ERBB4: variants seen among roughly 807,000 people sequenced by gnomAD.
ERBB4 encodes erb-b2 receptor tyrosine kinase 4.
In ERBB4, 42 loss-of-function variants were observed where a neutral mutation model predicts 158.0. The ratio of observed to expected loss-of-function variants is 0.27; its 90% CI spans 0.21 to 0.34. ERBB4 has a LOEUF of 0.34. Among genes scored for constraint, ERBB4 ranks in the 10% least tolerant of loss-of-function variants. The pLI is 1.00. For synonymous variants in ERBB4, 583 were observed against 558.7 expected (o/e 1.04, Z -0.61); for missense variants, 1,333 against 1,624.1 (o/e 0.82, Z 3.08).
intron 5 of ERBB4, among the ~76,000 whole-genome samples, chr2:211,741,692 T>A (rs1039428697): frequency 3.3e-5 from 5 of 152,134 alleles, no homozygotes; most frequent in Non-Finnish European, 5.9e-5. Context: ...ATTTTATATA[T>A]ACCTTTATGC....
At chr2:211,681,367 G>T (rs971460990) in intron 12 of ERBB4, among the ~76,000 whole-genome samples, 2 of 152,226 alleles carry the variant, frequency 1.3e-5, no homozygotes, top group African/African-American at 4.8e-5. Flanking sequence ...TTGTCCTTTA[G>T]ATAAATACCC....
At chr2:212,283,319 C>T (rs565200355) in intron 1 of ERBB4, among the ~76,000 whole-genome samples, 39 of 152,062 alleles carry the variant, frequency 2.6e-4, no homozygotes, top group Admixed American at 1.6e-3. Context: ...ATAAAGATTC[C>T]GGTATCATAT....
In ERBB4 at chr2:212,538,735, T is replaced by G. The variant is rs1575106759; in HGVS notation, c.-205A>C. 1 of 403,438 alleles carries G rather than the reference T, an allele frequency of 2.5e-6. No homozygotes were observed. The highest frequency in any genetic ancestry group is 4.3e-6 in the Non-Finnish European group (1 of 234,128). 25.0% of individuals were successfully genotyped at this position (403,438 alleles called of 1,614,324 possible). A position where few individuals can be genotyped will look rare whatever the true frequency, so the allele number is the denominator to read the frequency against. ...GGCCGGGGCCCGAGGAGGGGGCGAGTGTGAGCGCGTGTGTGCGCGTGTGGG... is the reference window on the plus strand; with the variant it reads ...GGCCGGGGCCCGAGGAGGGGGCGAGGGTGAGCGCGTGTGTGCGCGTGTGGG... On this transcript the variant is annotated 5_prime_UTR_variant, in exon 1 of 28. Coordinates refer to ENST00000342788, the MANE Select transcript of ERBB4 (RefSeq NM_005235.3).
chr2:212,504,086 C>T lies in ERBB4; in HGVS notation c.82+34363G>A, dbSNP rs376514150. ...TAGTTGGCCTGAGACCATAGAGAGA[C>T]GAGTATTGACTAATTTTATGCTCTT... On this transcript the variant is annotated intron_variant, in intron 1 of 27. Coordinates refer to ENST00000342788, the MANE Select transcript of ERBB4 (RefSeq NM_005235.3). 9.9e-5 allele frequency among the ~76,000 whole-genome samples: 15 copies of T among 152,176 alleles called. 1 individual carries two copies. The highest frequency in any genetic ancestry group is 8.3e-4 in the South Asian group (4 of 4,818).
chr2:211,688,554 T>A (rs1000169955), intron 12 of ERBB4, among the ~76,000 whole-genome samples: 1 of 152,232 alleles, frequency 6.6e-6, no homozygotes, highest in African/African-American at 2.4e-5. Flanking sequence ...TTGTCCTTTT[T>A]TTGATTGTTT....
At position 211,747,812 on chromosome 2, in the gene ERBB4, T is replaced by C. The variant is rs544857994; in HGVS notation, c.622+2827A>G. Among the ~76,000 whole-genome samples, 11 of 151,946 alleles carry C rather than the reference T, an allele frequency of 7.2e-5. No homozygotes were observed. In the East Asian group the frequency reaches 2.1e-3, roughly 29 times the overall value. On this transcript the variant is annotated intron_variant, in intron 5 of 27. Coordinates refer to ENST00000342788, the MANE Select transcript of ERBB4 (RefSeq NM_005235.3). ...TCTGAGAATAAATATTCACCATCTA[T>C]GTATATATAATATATAATATGTATA... is the stretch of plus-strand genomic sequence containing the variant.
intron 3 of ERBB4, among the ~76,000 whole-genome samples, chr2:211,942,946 C>T (rs956032182): frequency 1.3e-5 from 2 of 151,876 alleles, no homozygotes; most frequent in African/African-American, 4.8e-5. Flanking sequence ...CAAGATGAAA[C>T]CACATTTATC....
chr2:211,970,985 T>C (rs901695802), intron 2 of ERBB4, among the ~76,000 whole-genome samples: 11 of 152,218 alleles, frequency 7.2e-5, no homozygotes, highest in Non-Finnish European at 1.2e-4. Flanking sequence ...GTCTGTGTAC[T>C]TCAGTGTGTT....
chr2:211,738,060 G>A (rs2074661859), intron 5 of ERBB4, among the ~76,000 whole-genome samples: 1 of 151,968 alleles, frequency 6.6e-6, no homozygotes, highest in South Asian at 2.1e-4. Context: ...CGTGGTTCAA[G>A]AAAATGCATA....
chr2:212,213,592 G>A (rs535605258), intron 1 of ERBB4, among the ~76,000 whole-genome samples: 59 of 151,910 alleles, frequency 3.9e-4, no homozygotes, highest in Admixed American at 1.4e-3. Flanking sequence ...AAATATTTAC[G>A]TTTCCCTATG....
chr2:212,338,497 T>C (rs554027570), intron 1 of ERBB4, among the ~76,000 whole-genome samples: 2 of 152,252 alleles, frequency 1.3e-5, no homozygotes, highest in African/African-American at 2.4e-5. Context: ...GTTCAAAGTA[T>C]AAAAACACTT....
chr2:211,518,388 A>T (rs1035107195), intron 20 of ERBB4, among the ~76,000 whole-genome samples: 2 of 71,644 alleles, frequency 2.8e-5, no homozygotes, highest in Admixed American at 2.5e-4. Context: ...GAATTTAGAA[A>T]AGAGTTTGTG....
At chr2:211,706,139 T>C in intron 9 of ERBB4, among the ~76,000 whole-genome samples, 1 of 152,152 alleles carries the variant, frequency 6.6e-6, no homozygotes, top group East Asian at 1.9e-4. Context: ...CTCATATTAA[T>C]ATATACCATT....
At position 211,496,000 on chromosome 2, in the gene ERBB4, C is replaced by T. The variant is rs115658501; in HGVS notation, c.2488-64900G>A. ...AATATGTTGATCCCTTTTAAGTTCTCATCTATTTGACCCATCAACAGCACT... is the reference window on the plus strand; with the variant it reads ...AATATGTTGATCCCTTTTAAGTTCTTATCTATTTGACCCATCAACAGCACT... On this transcript the variant is annotated intron_variant, in intron 20 of 27. Transcript: ENST00000342788. Among the ~76,000 whole-genome samples the T allele has an allele frequency of 8.5e-3, 1,293 of 152,048 alleles. 15 individuals are homozygous for T. The highest frequency in any genetic ancestry group is 0.029 in the African/African-American group (1,212 of 41,522).
chr2:211,640,590 G>C (rs924741208), intron 16 of ERBB4, among the ~76,000 whole-genome samples: 11 of 152,162 alleles, frequency 7.2e-5, no homozygotes, highest in Admixed American at 6.6e-4. Context: ...TAACTGGATA[G>C]TCAAGCCTAG....
At chr2:212,123,784 G>C (rs940385618) in intron 2 of ERBB4, among the ~76,000 whole-genome samples, 1 of 152,050 alleles carries the variant, frequency 6.6e-6, no homozygotes, top group African/African-American at 2.4e-5. Flanking sequence ...TCTAAGTATA[G>C]AATTATTAAC....
chr2:212,445,325 C>T (rs890292254), intron 1 of ERBB4, among the ~76,000 whole-genome samples: 2 of 152,244 alleles, frequency 1.3e-5, no homozygotes, highest in Non-Finnish European at 2.9e-5. Flanking sequence ...AGTGGCAACA[C>T]TCACCATTAA....
At chr2:211,927,624 C>T (rs1315371721) in intron 3 of ERBB4, among the ~76,000 whole-genome samples, 1 of 152,074 alleles carries the variant, frequency 6.6e-6, no homozygotes, top group Non-Finnish European at 1.5e-5. Flanking sequence ...ATGACAGCCA[C>T]ATATGCTTTA....
intron 17 of ERBB4, among the ~76,000 whole-genome samples, chr2:211,626,794 G>T (rs1367207453): frequency 6.6e-6 from 1 of 151,818 alleles, no homozygotes; most frequent in Non-Finnish European, 1.5e-5. Flanking sequence ...ACGTGTTGGC[G>T]GGCGCCTGTA....
Sources: allele counts gnomAD v4.1 joint callset (sites outside exome capture counted in the v4.1 genomes callset), GRCh38; gene constraint gnomAD v4.1.1; transcripts MANE v1.5; gene names NCBI Gene and HGNC (gene_info 2026-07-23, HGNC 2026-07-21).